The following SNTB1 variants were observed in gnomAD, a reference collection of about 807,000 sequenced individuals.
The protein encoded by SNTB1 is beta-1-syntrophin.
Under a neutral mutation model 48.9 loss-of-function variants are expected in SNTB1, and 36 were observed. The ratio of observed to expected loss-of-function variants is 0.74; its 90% CI spans 0.56 to 0.97. The LOEUF is 0.97. Among genes scored for constraint, SNTB1 ranks in the 50% least tolerant of loss-of-function variants. The probability of loss-of-function intolerance (pLI) is 0.00; values close to 1 mark genes in which losing one functional copy is unlikely to be tolerated. For synonymous variants in SNTB1, 299 were observed against 294.6 expected, an observed-to-expected ratio of 1.01 and a Z score of -0.15; for missense variants, 786 against 703.4, an observed-to-expected ratio of 1.12 and a Z score of -1.33.
chr8:120,590,591 C>T (rs756535641), intron 3 of SNTB1, among the ~76,000 whole-genome samples: 32 of 152,218 alleles, frequency 2.1e-4, no homozygotes, highest in Admixed American at 7.8e-4. Context: ...TATGAAAAGA[C>T]ATCCGCTATC....
intron 5 of SNTB1, 118 bp from the exon 6 acceptor site, chr8:120,542,118 A>C (rs149300663): frequency 8.2e-5 from 55 of 668,066 alleles, no homozygotes; most frequent in Middle Eastern, 2.8e-4. Flanking sequence ...TTTCTTGCTA[A>C]AATAAAAATA....
At chr8:120,663,251 A>G (rs1008216252) in intron 2 of SNTB1, among the ~76,000 whole-genome samples, 1 of 152,200 alleles carries the variant, frequency 6.6e-6, no homozygotes. Context: ...TAGAACAGTG[A>G]TGACCCTAAA....
At chr8:120,799,691 A>C (rs1374534468) in intron 1 of SNTB1, among the ~76,000 whole-genome samples, 1 of 152,042 alleles carries the variant, frequency 6.6e-6, no homozygotes, top group Non-Finnish European at 1.5e-5. Context: ...GGATTTCCGC[A>C]TGCAGATAGT....
At chr8:120,772,268 CAG>C (rs1382894120) in intron 1 of SNTB1, among the ~76,000 whole-genome samples, 6 of 146,690 alleles carry the variant, frequency 4.1e-5, no homozygotes, top group Non-Finnish European at 9.0e-5. Context: ...TTTTTTGAGA[CAG>C]AGTCTCACTA....
intron 4 of SNTB1, among the ~76,000 whole-genome samples, chr8:120,573,759 T>G (rs1336844992): frequency 1.3e-5 from 2 of 152,210 alleles, no homozygotes; most frequent in Non-Finnish European, 2.9e-5. Flanking sequence ...AATATCCAGT[T>G]TTCCCAGCAC....
chr8:120,711,014 C>A (rs1818453814), intron 1 of SNTB1, among the ~76,000 whole-genome samples: 1 of 152,128 alleles, frequency 6.6e-6, no homozygotes, highest in Non-Finnish European at 1.5e-5. Context: ...GGAGAAGAAT[C>A]CAGAACAAAA....
Position 120,770,322 on chromosome 8 carries a change from C to T in SNTB1, c.571+40951G>A, listed in dbSNP as rs28379229. The stretch of plus-strand genomic sequence containing the variant: ...GCAGGAAGTGAGGTCAGTGTGGATC[C>T]TTTCCTTGGCTTCACATTCCCTACA... On this transcript the variant is annotated intron_variant, in intron 1 of 6. Transcript: ENST00000517992. 7.5e-3 allele frequency among the ~76,000 whole-genome samples: 1,134 copies of T among 151,800 alleles called. 5 individuals are homozygous for T. Among genetic ancestry groups the T allele is most frequent in the Non-Finnish European group, 9.6e-3 (654 of 67,934 alleles).
intron 2 of SNTB1, among the ~76,000 whole-genome samples, chr8:120,675,080 G>C (rs985971426): frequency 6.6e-6 from 1 of 152,168 alleles, no homozygotes; most frequent in Non-Finnish European, 1.5e-5. Context: ...AGCTAAAATT[G>C]CAGTAACAAA....
rs1344831161 is a variant in SNTB1, at chr8:120,616,663, TATA to T, written c.996+15778_996+15780del. ...GGTTTGAAAAAGAAAACCAAACAAA[TATA>T]ATATTATGTTTAAAATTACACAGCA... On this transcript the variant is annotated intron_variant, in intron 3 of 6. Transcript: ENST00000517992. Among the ~76,000 whole-genome samples, 9 of 152,088 alleles carry T rather than the reference TATA, an allele frequency of 5.9e-5. No homozygotes were observed. The South Asian group carries it at 1.7e-3, about 28-fold the overall frequency.
intron 4 of SNTB1, among the ~76,000 whole-genome samples, chr8:120,573,336 T>A (rs1199056702): frequency 6.6e-6 from 1 of 152,228 alleles, no homozygotes; most frequent in East Asian, 1.9e-4. Flanking sequence ...ATTAAACACC[T>A]TTTGGACATC....
intron 1 of SNTB1, among the ~76,000 whole-genome samples, chr8:120,763,115 T>G (rs955481084): frequency 6.6e-6 from 1 of 152,172 alleles, no homozygotes; most frequent in African/African-American, 2.4e-5. Flanking sequence ...CTAGAACAAT[T>G]TATATGATTT....
At chr8:120,649,143 G>A (rs1371759995) in intron 2 of SNTB1, among the ~76,000 whole-genome samples, 6 of 150,112 alleles carry the variant, frequency 4.0e-5, no homozygotes, top group East Asian at 2.0e-4. Flanking sequence ...TAATTTGATC[G>A]TCTGAAGCCT....
chr8:120,788,742 G>A (rs994599198), intron 1 of SNTB1, among the ~76,000 whole-genome samples: 2 of 152,000 alleles, frequency 1.3e-5, no homozygotes, highest in African/African-American at 4.8e-5. Context: ...GATTCATAAA[G>A]CAGTTACTAT....
At chr8:120,733,355 C>T (rs1362507356) in intron 1 of SNTB1, among the ~76,000 whole-genome samples, 1 of 152,248 alleles carries the variant, frequency 6.6e-6, no homozygotes, top group African/African-American at 2.4e-5. Context: ...GTGGTCCACG[C>T]ATAGGCGTCT....
intron 6 of SNTB1, 100 bp downstream of exon 6, chr8:120,541,710 T>C: frequency 2.5e-6 from 2 of 789,728 alleles, no homozygotes; most frequent in Non-Finnish European, 3.8e-6. Context: ...TGCAAGCACA[T>C]CATTAGCAGT....
At chr8:120,693,049 G>C (rs1197215351) in intron 2 of SNTB1, among the ~76,000 whole-genome samples, 1 of 152,116 alleles carries the variant, frequency 6.6e-6, no homozygotes, top group African/African-American at 2.4e-5. Flanking sequence ...GAAGGGGCAG[G>C]GGGTGCCGAC....
intron 2 of SNTB1, among the ~76,000 whole-genome samples, chr8:120,672,485 T>C (rs1427837357): frequency 1.3e-5 from 2 of 152,166 alleles, no homozygotes; most frequent in Non-Finnish European, 2.9e-5. Flanking sequence ...GGGGTGAGGA[T>C]GATTTAACTC....
chr8:120,705,514 A>G (rs1818366216), intron 1 of SNTB1, among the ~76,000 whole-genome samples: 1 of 152,200 alleles, frequency 6.6e-6, no homozygotes, highest in South Asian at 2.1e-4. Context: ...TTTGGGTTCA[A>G]TATAAGAAAA....
intron 5 of SNTB1, among the ~76,000 whole-genome samples, chr8:120,547,328 G>T (rs1815400063): frequency 6.6e-6 from 1 of 152,078 alleles, no homozygotes; most frequent in Non-Finnish European, 1.5e-5. Context: ...GGGTGAGGTG[G>T]CTCATGCCTG....
Sources: allele counts gnomAD v4.1 joint callset (sites outside exome capture counted in the v4.1 genomes callset), GRCh38; gene constraint gnomAD v4.1.1; transcripts MANE v1.5; gene names NCBI Gene and HGNC (gene_info 2026-07-23, HGNC 2026-07-21).